ME3: variants seen among roughly 807,000 people sequenced by gnomAD.
ME3 encodes NADP-dependent malic enzyme, mitochondrial.
A neutral mutation model predicts 68.9 loss-of-function variants in ME3; 48 were observed. That is an observed-to-expected ratio of 0.70 (90% confidence interval 0.55 to 0.89). The LOEUF is 0.89. Ranked by LOEUF, ME3 falls within the 40% of genes least tolerant of loss-of-function variation. The pLI, the probability that ME3 is intolerant of heterozygous loss-of-function variation, is 0.00. For synonymous variants in ME3, 320 were observed against 318.8 expected (o/e 1.00, Z -0.04); for missense variants, 675 against 797.4 (o/e 0.85, Z 1.85).
At chr11:86,475,868 TATATATAGAG>T (rs1359325742) in intron 7 of ME3, among the ~76,000 whole-genome samples, 8 of 109,668 alleles carry the variant, frequency 7.3e-5, no homozygotes, top group Non-Finnish European at 1.1e-4. Context: ...TATATATATA[TATATATAGAG>T]AGAGAGAGAG....
intron 4 of ME3, among the ~76,000 whole-genome samples, chr11:86,523,267 A>T (rs567703005): frequency 5.3e-5 from 8 of 152,336 alleles, no homozygotes; most frequent in African/African-American, 1.9e-4. Flanking sequence ...TTACTGCCAC[A>T]AGTCTGGGAG....
chr11:86,613,775 C>T (rs546928887), intron 2 of ME3, among the ~76,000 whole-genome samples: 2 of 152,154 alleles, frequency 1.3e-5, no homozygotes, highest in South Asian at 4.2e-4. Flanking sequence ...TGTGAAGGAC[C>T]TTTTCAAGGA....
chr11:86,539,295 A>G (rs189737416), intron 4 of ME3, among the ~76,000 whole-genome samples: 17 of 152,198 alleles, frequency 1.1e-4, no homozygotes, highest in African/African-American at 3.9e-4. Flanking sequence ...TCCCAATGTG[A>G]ATCAAAATCC....
At chr11:86,652,736 A>T (rs2135442040) in intron 2 of ME3, among the ~76,000 whole-genome samples, 1 of 152,278 alleles carries the variant, frequency 6.6e-6, no homozygotes, top group Middle Eastern at 3.4e-3. Context: ...TCAAATTCAC[A>T]CATAACAATA....
At chr11:86,494,794 G>C (rs1952212229) in intron 6 of ME3, among the ~76,000 whole-genome samples, 1 of 152,130 alleles carries the variant, frequency 6.6e-6, no homozygotes, top group Non-Finnish European at 1.5e-5. Context: ...GTCTCCCTCA[G>C]GCTCAGCAGG....
At chr11:86,534,997 A>G (rs1040128504) in intron 4 of ME3, among the ~76,000 whole-genome samples, 3 of 152,160 alleles carry the variant, frequency 2.0e-5, no homozygotes, top group Non-Finnish European at 4.4e-5. Flanking sequence ...AATTTTTCAT[A>G]AGTGAATTCT....
intron 4 of ME3, among the ~76,000 whole-genome samples, chr11:86,511,836 G>A (rs1953551430): frequency 1.3e-5 from 2 of 152,056 alleles, no homozygotes; most frequent in Admixed American, 1.3e-4. Flanking sequence ...GGTCTTTTGA[G>A]ATGTTTTTCA....
chr11:86,645,167 T>C (rs1352234957), intron 2 of ME3, among the ~76,000 whole-genome samples: 1 of 151,806 alleles, frequency 6.6e-6, no homozygotes, highest in African/African-American at 2.4e-5. Flanking sequence ...GCTGCAGGAG[T>C]ATTTTTTTTG....
intron 5 of ME3, among the ~76,000 whole-genome samples, chr11:86,505,491 A>G (rs1953009196): frequency 6.6e-6 from 1 of 152,210 alleles, no homozygotes; most frequent in Admixed American, 6.5e-5. Context: ...AAATGTTGGA[A>G]AACCACTAAG....
chr11:86,633,631 T>C (rs889812661), intron 2 of ME3, among the ~76,000 whole-genome samples: 3 of 152,180 alleles, frequency 2.0e-5, no homozygotes, highest in African/African-American at 7.2e-5. Flanking sequence ...GGTACTCTCA[T>C]GGGTGTCTTG....
chr11:86,526,045 G>A lies in ME3; in HGVS notation c.468-17178C>T, dbSNP rs566226145. Among the ~76,000 whole-genome samples the A allele has an allele frequency of 3.5e-4, 54 of 152,322 alleles. No individual in the cohort carries two copies. The East Asian group carries it at 8.9e-3, about 25-fold the overall frequency. On this transcript the variant is annotated intron_variant, in intron 4 of 14. Coordinates refer to ENST00000543262, the Ensembl canonical transcript of ME3. ...TGCAGGACAGTGGGTGCAGCGCACC[G>A]AGCATGAGCCGAAGCAGGGCGAGGC...
chr11:86,597,414 T>C (rs958272649), intron 2 of ME3, among the ~76,000 whole-genome samples: 1 of 152,226 alleles, frequency 6.6e-6, no homozygotes, highest in Non-Finnish European at 1.5e-5. Context: ...CATGTGACTA[T>C]TTTTGGTCAA....
chr11:86,622,962 G>A (rs922967237), intron 2 of ME3: 11 of 150,542 alleles, frequency 7.3e-5, no homozygotes, highest in African/African-American at 2.5e-4. Flanking sequence ...TTGTGTAAAT[G>A]ACATCACTTC....
At chr11:86,660,113 C>T (rs1426312745) in intron 2 of ME3, among the ~76,000 whole-genome samples, 3 of 152,188 alleles carry the variant, frequency 2.0e-5, no homozygotes, top group Admixed American at 6.5e-5. Context: ...ATTATCCAGG[C>T]TTAAGCTCTA....
intron 2 of ME3, among the ~76,000 whole-genome samples, chr11:86,602,556 T>TC (rs1218918060): frequency 1.3e-5 from 2 of 151,904 alleles, no homozygotes; most frequent in Non-Finnish European, 2.9e-5. Flanking sequence ...TTCAATGCCA[T>TC]CCCCATCAAG....
At chr11:86,654,365 G>A (rs1171838750) in intron 2 of ME3, among the ~76,000 whole-genome samples, 3 of 152,168 alleles carry the variant, frequency 2.0e-5, no homozygotes, top group Non-Finnish European at 4.4e-5. Context: ...CTGGCAAACT[G>A]AATCCAGCAG....
Position 86,450,410 on chromosome 11 carries a change from TG to T in ME3, c.920-13del, listed in dbSNP as rs1176327058. On this transcript the variant is annotated splice_polypyrimidine_tract_variant and intron_variant, in intron 8 of 14. Transcript: ENST00000543262. ...AACGGAGGCTGTGCCTGAAACAGAG[TG>T]GCCTGAGATCAACCTCTGGCCACAG... 6.2e-7 allele frequency: 1 copy of T among 1,611,780 alleles called. No homozygotes were observed. Among genetic ancestry groups the T allele is most frequent in the Admixed American group, 1.7e-5 (1 of 59,962 alleles).
chr11:86,551,498 C>T (rs1956679146), intron 4 of ME3, among the ~76,000 whole-genome samples: 1 of 152,132 alleles, frequency 6.6e-6, no homozygotes, highest in South Asian at 2.1e-4. Flanking sequence ...GTCATGTTTA[C>T]CAGGGCCAAC....
intron 4 of ME3, among the ~76,000 whole-genome samples, chr11:86,509,101 G>A (rs957668773): frequency 6.6e-6 from 1 of 152,194 alleles, no homozygotes; most frequent in African/African-American, 2.4e-5. Flanking sequence ...CATGGAGCCT[G>A]TGCTCCCCAG....
Sources: gnomAD v4.1 joint callset for allele counts (sites outside exome capture counted in the v4.1 genomes callset) on GRCh38, gnomAD v4.1.1 for gene constraint, MANE v1.5 for transcripts, NCBI Gene and HGNC (gene_info 2026-07-23, HGNC 2026-07-21) for gene names.